The following FOXP2 variants were observed in gnomAD, a reference collection of about 807,000 sequenced individuals.
FOXP2 encodes the protein forkhead box protein P2.
Under a neutral mutation model 115.8 loss-of-function variants are expected in FOXP2, and 12 were observed. The observed-to-expected ratio is 0.10, with a 90% CI of 0.07 to 0.17. FOXP2 has a LOEUF of 0.17. FOXP2 is among the 10% of genes least tolerant of loss of function. The probability of loss-of-function intolerance (pLI) is 1.00; values close to 1 mark genes in which losing one functional copy is unlikely to be tolerated. For missense variants in FOXP2, 629 were observed against 843.5 expected (o/e 0.75, Z 3.15); for synonymous variants, 328 against 297.7 (o/e 1.10, Z -1.05).
chr7:114,265,564 G>A (rs1450427697), intron 1 of FOXP2, among the ~76,000 whole-genome samples: 3 of 152,048 alleles, frequency 2.0e-5, no homozygotes, highest in Non-Finnish European at 4.4e-5. Context: ...CTGGGGTCTG[G>A]AGCATGGTGG....
At chr7:114,183,549 A>G (rs1368992645) in intron 1 of FOXP2, among the ~76,000 whole-genome samples, 2 of 152,258 alleles carry the variant, frequency 1.3e-5, no homozygotes, top group East Asian at 1.9e-4. Flanking sequence ...TAACACTTGT[A>G]TGATTTCCCT....
intron 4 of FOXP2, among the ~76,000 whole-genome samples, chr7:114,629,247 C>T (rs1373657352): frequency 7.2e-5 from 11 of 152,040 alleles, no homozygotes; most frequent in East Asian, 1.9e-4. Flanking sequence ...AATACCATAT[C>T]GGAACCCTGA....
intron 2 of FOXP2, among the ~76,000 whole-genome samples, chr7:114,318,646 C>T (rs1292167858): frequency 6.6e-6 from 1 of 151,420 alleles, no homozygotes; most frequent in African/African-American, 2.4e-5. Flanking sequence ...ATAGTATTAA[C>T]AATACACTGT....
chr7:114,224,382 C>G (rs1230651240), intron 1 of FOXP2, among the ~76,000 whole-genome samples: 1 of 152,006 alleles, frequency 6.6e-6, no homozygotes, highest in Non-Finnish European at 1.5e-5. Flanking sequence ...TTGAGTCTTC[C>G]TATTAATGAA....
At chr7:114,592,229 C>T (rs192455650) in intron 3 of FOXP2, among the ~76,000 whole-genome samples, 38 of 152,134 alleles carry the variant, frequency 2.5e-4, no homozygotes, top group Admixed American at 2.2e-3. Context: ...TATTTCAAGA[C>T]ATTCCCTATT....
intron 16 of FOXP2, among the ~76,000 whole-genome samples, chr7:114,688,213 ACACACACACAC>A (rs1808471215): frequency 1.5e-5 from 1 of 68,100 alleles, no homozygotes; most frequent in Non-Finnish European, 5.0e-5. Flanking sequence ...ATGCATACAC[ACACACACACAC>A]ACACACACAC....
intron 1 of FOXP2, among the ~76,000 whole-genome samples, chr7:114,127,377 A>G (rs900072191): frequency 6.6e-6 from 1 of 152,194 alleles, no homozygotes; most frequent in Non-Finnish European, 1.5e-5. Context: ...ATAAGGGCAC[A>G]GATACCCAGG....
chr7:114,523,450 G>A (rs554754702), intron 2 of FOXP2, among the ~76,000 whole-genome samples: 2 of 152,210 alleles, frequency 1.3e-5, no homozygotes, highest in East Asian at 1.9e-4. Flanking sequence ...CATATGCAGA[G>A]GCTATCTGCC....
At chr7:114,117,024 A>T (rs1424159822) in intron 1 of FOXP2, among the ~76,000 whole-genome samples, 1 of 152,112 alleles carries the variant, frequency 6.6e-6, no homozygotes, top group Non-Finnish European at 1.5e-5. Flanking sequence ...ATAGCAAAAG[A>T]TTCTGCATCC....
At chr7:114,404,606 G>A (rs188250390) in intron 2 of FOXP2, among the ~76,000 whole-genome samples, 2 of 151,956 alleles carry the variant, frequency 1.3e-5, no homozygotes, top group African/African-American at 2.4e-5. Flanking sequence ...AATCAAAATC[G>A]CCTTTTTAAA....
rs571683049 is a variant in FOXP2 at position 114,679,590 on chromosome 7, T to C, written c.2004-10192T>C. On this transcript the variant is annotated intron_variant, in intron 16 of 16. Coordinates refer to ENST00000350908, the MANE Select transcript of FOXP2 (RefSeq NM_014491.4). ...TTCTCGTCATCTGACCTCATTCTGC[T>C]ATTCTAACACACACACACAAACACA... is the stretch of plus-strand genomic sequence containing the variant. Among the ~76,000 whole-genome samples the C allele has an allele frequency of 2.8e-4, 43 of 152,198 alleles. 1 individual carries two copies. The South Asian group carries it at 8.3e-3, about 29-fold the overall frequency.
chr7:114,471,085 T>C (rs1796023862), intron 2 of FOXP2, among the ~76,000 whole-genome samples: 1 of 152,216 alleles, frequency 6.6e-6, no homozygotes, highest in African/African-American at 2.4e-5. Context: ...TAGCATTTTC[T>C]CTTTTGCCTT....
Position 114,307,076 on chromosome 7 carries a change from G to C in FOXP2, c.-11+18967G>C, listed in dbSNP as rs559729804. ...CATTTTCAAAGGTTCTGGGGATTCA[G>C]ATGTGAACATCTTTGGGAAGCCATT... On this transcript the variant is annotated intron_variant, in intron 2 of 17. Transcript: ENST00000634411. Among the ~76,000 whole-genome samples, 8 of 152,182 alleles carry C rather than the reference G, an allele frequency of 5.3e-5. No individual in the cohort carries two copies. The South Asian group carries it at 1.0e-3, about 20-fold the overall frequency.
chr7:114,125,168 C>A (rs1036899377), intron 1 of FOXP2, among the ~76,000 whole-genome samples: 3 of 152,048 alleles, frequency 2.0e-5, no homozygotes, highest in African/African-American at 4.8e-5. Context: ...AACCACCTGT[C>A]ACATCATCTT....
intron 2 of FOXP2, among the ~76,000 whole-genome samples, chr7:114,381,978 G>C (rs533928333): frequency 2.6e-4 from 39 of 152,208 alleles, no homozygotes; most frequent in African/African-American, 8.9e-4. Flanking sequence ...TCAAGCAGGG[G>C]ACAACAAACA....
In FOXP2 at chr7:114,253,373, T is replaced by A. The variant is rs540595545; in HGVS notation, c.-101-34646T>A. 1.1e-4 allele frequency among the ~76,000 whole-genome samples: 17 copies of A among 152,256 alleles called. No homozygotes were observed. The East Asian group carries it at 3.3e-3, about 29-fold the overall frequency. On this transcript the variant is annotated intron_variant, in intron 1 of 17. Coordinates refer to the FOXP2 transcript ENST00000634411. ...GTTAACTTTCTGTCTCGTTGATCTG[T>A]CTAATGTTGACAGTGGGGCGTTAAA...
intron 2 of FOXP2, among the ~76,000 whole-genome samples, chr7:114,301,571 C>A (rs141181155): frequency 7.0e-4 from 107 of 152,170 alleles, no homozygotes; most frequent in African/African-American, 2.5e-3. Context: ...ATCTCTGCTA[C>A]CATCTGTAAA....
At position 114,628,551 on chromosome 7, in the gene FOXP2, A is replaced by T. The variant is rs1469912332; in HGVS notation, c.270A>T (p.Ser90=). The stretch of plus-strand genomic sequence containing the variant: ...TCTTTCTGTGCAAGGTGCCTGTGTC[A>T]GTGGCCATGATGACTCCCCAGGTGA... ...DKQRPLQVPV[S]VAMMTPQVIT... The change falls in exon 4 of 17, where the codon TCA becomes TCT. Residue 90 remains serine (S), a synonymous_variant. Coordinates refer to ENST00000350908, the MANE Select transcript of FOXP2 (RefSeq NM_014491.4). 1 of 1,614,110 alleles carries T rather than the reference A, an allele frequency of 6.2e-7. No individual in the cohort carries two copies.
In FOXP2 at chr7:114,453,301, G is replaced by A. The variant is rs78126697; in HGVS notation, c.168+26622G>A. ...CCAGGGTCCCTTACGTTAGAAACAG[G>A]AATTAGGTTTAGTTGTTGACTGAGG... On this transcript the variant is annotated intron_variant, in intron 2 of 16. Transcript: ENST00000350908. 1.5e-3 allele frequency among the ~76,000 whole-genome samples: 233 copies of A among 152,166 alleles called. 6 individuals are homozygous for A. In the East Asian group the frequency reaches 0.042, roughly 27 times the overall value.
Sources: allele counts gnomAD v4.1 joint callset (sites outside exome capture counted in the v4.1 genomes callset), GRCh38; gene constraint gnomAD v4.1.1; transcripts MANE v1.5; gene names NCBI Gene and HGNC (gene_info 2026-07-23, HGNC 2026-07-21).